MUC3A: variants seen among roughly 807,000 people sequenced by gnomAD.
MUC3A encodes the protein mucin 3A, cell surface associated.
MUC3A carries 109 observed loss-of-function variants against 109.0 expected under a neutral mutation model. That is an observed-to-expected ratio of 1.00 (90% confidence interval 0.86 to 1.17). The LOEUF is 1.17. Among genes scored for constraint, MUC3A ranks in the 50% most tolerant of loss-of-function variants. The probability of loss-of-function intolerance (pLI) is 0.00; values close to 1 mark genes in which losing one functional copy is unlikely to be tolerated. For synonymous variants in MUC3A, 1,398 were observed against 981.4 expected (o/e 1.42, Z -7.93); for missense variants, 3,537 against 2,469.4 (o/e 1.43, Z -9.16).
rs1428326398 is a variant in MUC3A, at chr7:100,966,313, C to T, written c.9612-73C>T. 6.7e-6 allele frequency: 8 copies of T among 1,202,540 alleles called. No individual in the cohort carries two copies. The East Asian group carries it at 2.7e-4, about 40-fold the overall frequency. 74.5% of individuals were successfully genotyped at this position (1,202,540 alleles called of 1,614,324 possible). A position where few individuals can be genotyped will look rare whatever the true frequency, so the allele number is the denominator to read the frequency against. On this transcript the variant is annotated intron_variant, in intron 8 of 11. Coordinates refer to ENST00000379458, the MANE Select transcript of MUC3A (RefSeq NM_005960.2). Reference sequence around the variant, plus strand: ...TGGAGCCCCGCCCCCTCACCCGCCCCCGCGGGGCCCAGGTGCACGGGTGGA... The same window carrying T: ...TGGAGCCCCGCCCCCTCACCCGCCCTCGCGGGGCCCAGGTGCACGGGTGGA...
chr7:100,949,674 C>G lies in MUC3A; in HGVS notation c.50C>G (p.Pro17Arg). 1 of 1,552,056 alleles carries G rather than the reference C, an allele frequency of 6.4e-7. No homozygotes were observed. The highest frequency in any genetic ancestry group is 8.6e-7 in the Non-Finnish European group (1 of 1,156,342). The change falls in exon 1 of 12, where the codon CCG becomes CGG. Residue 17 changes from proline (P) to arginine (R), a missense_variant. Transcript: ENST00000379458. ...LGLLWMLKAS[P>R]WATGTLSTAT... ...CTCCTCTGGATGCTCAAGGCCTCCCCGTGGGCCACAGGTAAGGGGGAGAGG... is the reference window on the plus strand; with the variant it reads ...CTCCTCTGGATGCTCAAGGCCTCCCGGTGGGCCACAGGTAAGGGGGAGAGG...
chr7:100,951,401 C>T (rs546639202), intron 1 of MUC3A, among the ~76,000 whole-genome samples: 2 of 152,112 alleles, frequency 1.3e-5, no homozygotes, highest in East Asian at 3.9e-4. Flanking sequence ...GCCCAGACAG[C>T]AGCAGGGTGC....
chr7:100,964,814 A>G lies in MUC3A; in HGVS notation c.9353A>G (p.Gln3118Arg). The G allele has an allele frequency of 6.3e-7, 1 of 1,598,222 alleles. No individual in the cohort carries two copies. Among genetic ancestry groups the G allele is most frequent in the South Asian group, 1.1e-5 (1 of 91,074 alleles). Residue 3118 changes from glutamine (Q) to arginine (R), a missense_variant, in exon 6 of 12, where the codon CAG becomes CGG. Transcript: ENST00000379458. ...AAGGAGGGGCTGCAGAACGCCAGCC[A>G]GGATGTGAACAGCTGCCAGGACTCC... ...TLKEGLQNASQDVNSCQDSQT... is the reference protein window; with the variant it reads ...TLKEGLQNASRDVNSCQDSQT...
chr7:100,965,504 A>T (rs1584812492), intron 7 of MUC3A, 157 bp downstream of exon 7: 2 of 1,431,296 alleles, frequency 1.4e-6, no homozygotes. Context: ...AGTGGCTTCC[A>T]CCTGAGGACA....
At position 100,966,434 on chromosome 7, in the gene MUC3A, G is replaced by A. The variant is rs1792562486; in HGVS notation, c.9660G>A (p.Val3220=). ...THWFSGPRCE[V]AVHWRALVGG... is the part of the protein sequence containing the mutation. ...GGTTCTCTGGCCCGCGCTGCGAGGT[G>A]GCCGTCCACTGGAGGGCGCTGGTCG... Residue 3220 remains valine (V), a synonymous_variant, in exon 9 of 12, where the codon GTG becomes GTA. Transcript: ENST00000379458. The A allele has an allele frequency of 7.4e-7, 1 of 1,349,594 alleles. No individual in the cohort carries two copies. 83.6% of individuals were successfully genotyped at this position (1,349,594 alleles called of 1,614,324 possible).
Position 100,955,381 on chromosome 7 carries a change from C to T in MUC3A, c.3602C>T (p.Thr1201Ile), listed in dbSNP as rs1240097540. 1 of 544,052 alleles carries T rather than the reference C, an allele frequency of 1.8e-6. No individual in the cohort carries two copies. Among genetic ancestry groups the T allele is most frequent in the Non-Finnish European group, 3.2e-6 (1 of 311,710 alleles). The allele number at this position is 544,052 out of a possible 1,614,324, so 33.7% of individuals were successfully genotyped here. The part of the protein sequence containing the change: ...LSTDTPSTTP[T>I]TITYPSVGST... ...ACAGACACCCCTTCCACAACACCAA[C>T]AACTATCACCTACCCTTCTGTGGGC... The change falls in exon 2 of 12, where the codon ACA becomes ATA. Residue 1201 changes from threonine to isoleucine, a missense_variant. By Grantham distance (89) the Thr-to-Ile change is moderately conservative. Transcript: ENST00000379458.
In MUC3A at chr7:100,952,350, T is replaced by C. The variant is rs770571972; in HGVS notation, c.571T>C (p.Ser191Pro). 1 of 1,598,400 alleles carries C rather than the reference T, an allele frequency of 6.3e-7. No individual in the cohort carries two copies. The highest frequency in any genetic ancestry group is 1.3e-5 in the African/African-American group (1 of 74,958). The change falls in exon 2 of 12, where the codon TCT (serine) becomes CCT (proline). Residue 191 changes from serine to proline, a missense_variant. By Grantham distance (74) the Ser-to-Pro change is moderately conservative. Coordinates refer to ENST00000379458, the MANE Select transcript of MUC3A (RefSeq NM_005960.2). ...KGTSAMTSSP[S>P]TTTARETPIV... ...AACGTCAGCCATGACATCTTCTCCC[T>C]CTACCACCACTGCAAGGGAAACTCC...
In MUC3A at chr7:100,952,108, T is replaced by A. The variant is rs1477493871; in HGVS notation, c.329T>A (p.Phe110Tyr). The A allele has an allele frequency of 1.3e-6, 2 of 1,598,626 alleles. No homozygotes were observed. Among genetic ancestry groups the A allele is most frequent in the East Asian group, 4.5e-5 (2 of 44,892 alleles). Residue 110 changes from phenylalanine (F) to tyrosine (Y), a missense_variant, in exon 2 of 12, where the codon TTC becomes TAC. Coordinates refer to ENST00000379458, the MANE Select transcript of MUC3A (RefSeq NM_005960.2). ...TSTTPTSKFA[F>Y]KVETTPPTVL... ...ACCACCCCGACGTCCAAGTTTGCCTTCAAGGTTGAAACCACTCCACCCACC... is the reference window on the plus strand; with the variant it reads ...ACCACCCCGACGTCCAAGTTTGCCTACAAGGTTGAAACCACTCCACCCACC...
rs74474011 is a variant in MUC3A, at chr7:100,958,616, C to T, written c.6837C>T (p.Thr2279=). The part of the protein sequence containing the change: ...DTPSFTSSIT[T]SETPSHSTPS... ...CCAGCTTCACTTCTTCAATCACCAC[C>T]AGTGAGACCCCCTCACACAGTACTC... The change falls in exon 2 of 12, where the codon ACC becomes ACT. Residue 2279 remains threonine, a synonymous_variant. Coordinates refer to ENST00000379458, the MANE Select transcript of MUC3A (RefSeq NM_005960.2). 2.1e-6 allele frequency: 3 copies of T among 1,428,184 alleles called. No homozygotes were observed. The highest frequency in any genetic ancestry group is 3.6e-5 in the Admixed American group (2 of 55,434). 88.5% of individuals were successfully genotyped at this position (1,428,184 alleles called of 1,614,324 possible).
In MUC3A at chr7:100,952,888, C is replaced by T. The variant is rs1057179707; in HGVS notation, c.1109C>T (p.Thr370Ile). 3.2e-6 allele frequency: 5 copies of T among 1,566,392 alleles called. No individual in the cohort carries two copies. Among genetic ancestry groups the T allele is most frequent in the South Asian group, 1.2e-5 (1 of 86,104 alleles). ...TLSTETSLPP[T>I]SSSLPTTETA... is the part of the protein sequence containing the mutation. ...TCCACAGAGACTTCTCTCCCACCCA[C>T]CTCTTCCTCTCTCCCAACCACAGAA... The change falls in exon 2 of 12, where the codon ACC (threonine) becomes ATC (isoleucine). Residue 370 changes from threonine to isoleucine, a missense_variant. Transcript: ENST00000379458.
chr7:100,950,176 C>G (rs551889937), intron 1 of MUC3A, among the ~76,000 whole-genome samples: 4 of 152,414 alleles, frequency 2.6e-5, no homozygotes, highest in Admixed American at 2.6e-4. Context: ...CCTTTTGTCC[C>G]CCGGCGGCTC....
rs1470986189 is a variant in MUC3A, at chr7:100,957,362, T to C, written c.5583T>C (p.Asn1861=). ...CGACCAGAACCACCTATTCCACCAA[T>C]ATGACAGGTACATTGTCCACTGTGA... ...DSTTRTTYST[N]MTGTLSTVTS... The change falls in exon 2 of 12, where the codon AAT becomes AAC. Residue 1861 remains asparagine, a synonymous_variant. Transcript: ENST00000379458. The C allele has an allele frequency of 1.8e-5, 11 of 626,684 alleles. No individual in the cohort carries two copies. Among genetic ancestry groups the C allele is most frequent in the Non-Finnish European group, 3.0e-5 (11 of 364,006 alleles). The allele number at this position is 626,684 out of a possible 1,614,324, so 38.8% of individuals were successfully genotyped here. A position where few individuals can be genotyped will look rare whatever the true frequency, so the allele number is the denominator to read the frequency against.
chr7:100,962,422 A>G (rs1203559469), intron 3 of MUC3A, among the ~76,000 whole-genome samples: 2 of 152,218 alleles, frequency 1.3e-5, no homozygotes, highest in Non-Finnish European at 2.9e-5. Context: ...TATCTCAACA[A>G]TAAAAAAAAG....
Position 100,968,314 on chromosome 7 carries a change from C to G in MUC3A, c.*1152C>G. The stretch of plus-strand genomic sequence containing the variant: ...GGAAGTCGGCACATCTCCAGGTCTT[C>G]ATGTGCACAATACAGAGTTTATTGT... On this transcript the variant is annotated 3_prime_UTR_variant, in exon 12 of 12. Transcript: ENST00000379458. 1 of 152,980 alleles carries G rather than the reference C, an allele frequency of 6.5e-6. No homozygotes were observed. Among genetic ancestry groups the G allele is most frequent in the Non-Finnish European group, 1.5e-5 (1 of 68,470 alleles). The allele number at this position is 152,980 out of a possible 1,614,324, so 9.5% of individuals were successfully genotyped here.
intron 6 of MUC3A, chr7:100,965,048 C>G: frequency 1.8e-6 from 2 of 1,098,424 alleles, no homozygotes; most frequent in Non-Finnish European, 2.5e-6. Context: ...AAGAGACCCC[C>G]TGATTGTCAT....
chr7:100,962,837 TTCTC>T (rs1322865212), intron 3 of MUC3A, among the ~76,000 whole-genome samples: 16 of 147,466 alleles, frequency 1.1e-4, no homozygotes, highest in Middle Eastern at 3.4e-3. Flanking sequence ...TTCTTTCTTT[TTCTC>T]TCTCTCTCTC....
rs1792141013 is a variant in MUC3A at position 100,957,776 on chromosome 7, C to A, written c.5997C>A (p.Thr1999=). ...TPSYTSLITT[T]TTTSHSTPSF... ...GCTACACTTCTTTGATCACCACAAC[C>A]ACCACCACCTCACACAGTACTCCCA... Residue 1999 remains threonine, a synonymous_variant, in exon 2 of 12, where the codon ACC becomes ACA. Transcript: ENST00000379458. 2 of 713,292 alleles carry A rather than the reference C, an allele frequency of 2.8e-6. No homozygotes were observed. The highest frequency in any genetic ancestry group is 3.5e-6 in the Non-Finnish European group (2 of 571,246). 44.2% of individuals were successfully genotyped at this position (713,292 alleles called of 1,614,324 possible). A position where few individuals can be genotyped will look rare whatever the true frequency, so the allele number is the denominator to read the frequency against.
At chr7:100,967,038 G>A in intron 11 of MUC3A, 83 bp from the exon 12 acceptor site, 1 of 1,598,486 alleles carries the variant, frequency 6.3e-7, no homozygotes, top group Admixed American at 1.7e-5. Context: ...GCAGGGAGGG[G>A]GCTGGGCTCG....
chr7:100,967,161 G>A lies in MUC3A; in HGVS notation c.9971G>A (p.Ter3324=), dbSNP rs1196335969. The stretch of plus-strand genomic sequence containing the variant: ...CCCGAGATGACCTCGTCCTCAGTGT[G>A]AGCCCTGCGGGGCCCCTTCACCACC... ...KRPEMTSSSV[*] Residue 3324 remains the stop codon, a stop_retained_variant, in exon 12 of 12, where the codon TGA becomes TAA. Transcript: ENST00000379458. 6.3e-7 allele frequency: 1 copy of A among 1,598,550 alleles called. No individual in the cohort carries two copies. Among genetic ancestry groups the A allele is most frequent in the South Asian group, 1.1e-5 (1 of 91,092 alleles).
Sources: gnomAD v4.1 joint callset for allele counts (sites outside exome capture counted in the v4.1 genomes callset) on GRCh38, gnomAD v4.1.1 for gene constraint, MANE v1.5 for transcripts, NCBI Gene and HGNC (gene_info 2026-07-23, HGNC 2026-07-21) for gene names.